Variants in BCAS3 observed in about 807,000 individuals in gnomAD.
BCAS3 encodes BCAS4/BCAS3 fusion.
In BCAS3, 53 loss-of-function variants were observed where a neutral mutation model predicts 116.1. The ratio of observed to expected loss-of-function variants is 0.46; its 90% confidence interval spans 0.37 to 0.57. The LOEUF (loss-of-function observed/expected upper bound fraction) is 0.57. BCAS3 is among the 20% of genes least tolerant of loss of function. The probability of loss-of-function intolerance (pLI) is 0.00; values close to 1 mark genes in which losing one functional copy is unlikely to be tolerated. For missense variants in BCAS3, 917 were observed against 1,165.4 expected, an observed-to-expected ratio of 0.79 and a Z score of 3.10; for synonymous variants, 391 against 408.2, an observed-to-expected ratio of 0.96 and a Z score of 0.51.
intron 19 of BCAS3, among the ~76,000 whole-genome samples, chr17:61,050,430 C>G (rs1340344582): frequency 6.6e-6 from 1 of 151,580 alleles, no homozygotes. Flanking sequence ...TGTGTGTACA[C>G]AGTAGCATAA....
At chr17:61,025,057 C>T (rs771501459) in intron 16 of BCAS3, among the ~76,000 whole-genome samples, 1 of 151,972 alleles carries the variant, frequency 6.6e-6, no homozygotes, top group East Asian at 1.9e-4. Context: ...TATATGACAA[C>T]GAAAACCTCT....
At chr17:60,748,761 A>C (rs1346388614) in intron 6 of BCAS3, among the ~76,000 whole-genome samples, 2 of 152,168 alleles carry the variant, frequency 1.3e-5, no homozygotes, top group Admixed American at 1.3e-4. Flanking sequence ...TTTTATTTAG[A>C]AGTAGATTTA....
rs1392717615 is a variant in BCAS3, at chr17:61,156,955, G to A, written c.2425+72391G>A. Reference sequence around the variant, plus strand: ...ATTCTACAACATTTAAACAGTTGAGGCATCACTCTCCTATAAATTTAGTAT... The same window carrying A: ...ATTCTACAACATTTAAACAGTTGAGACATCACTCTCCTATAAATTTAGTAT... On this transcript the variant is annotated intron_variant, in intron 22 of 23. Coordinates refer to ENST00000407086, the MANE Select transcript of BCAS3 (RefSeq NM_017679.5). The surrounding 1 kb of genome is among the most constrained non-coding windows in gnomAD (Gnocchi z 4.7). 1.3e-5 allele frequency among the ~76,000 whole-genome samples: 2 copies of A among 152,070 alleles called. No homozygotes were observed. Among genetic ancestry groups the A allele is most frequent in the Non-Finnish European group, 2.9e-5 (2 of 68,002 alleles).
rs2144589745 is a variant in BCAS3, at chr17:61,261,923, G to T, written c.2426-106404G>T. On this transcript the variant is annotated intron_variant, in intron 22 of 23. Coordinates refer to ENST00000407086, the MANE Select transcript of BCAS3 (RefSeq NM_017679.5). This position sits in a 1 kb window ranked among gnomAD's most constrained non-coding sequence, Gnocchi z 4.4. ...GGGGCAGAGCTTTAGAATTTAGGAT[G>T]GTTTTCCTAGTGAAGAGAAAGCTAA... Among the ~76,000 whole-genome samples the T allele has an allele frequency of 6.6e-6, 1 of 152,230 alleles. No individual in the cohort carries two copies. The highest frequency in any genetic ancestry group is 2.4e-5 in the African/African-American group (1 of 41,520).
In BCAS3 at chr17:61,178,217, C is replaced by A. The variant is rs1462770667; in HGVS notation, c.2425+93653C>A. The stretch of plus-strand genomic sequence containing the variant: ...TATTTTGAAATCTGTATTACAAAGT[C>A]TTTTATCCTTTTATTAGTTTAGTAC... On this transcript the variant is annotated intron_variant, in intron 22 of 23. Transcript: ENST00000407086. 2.6e-5 allele frequency among the ~76,000 whole-genome samples: 4 copies of A among 152,032 alleles called. No homozygotes were observed. In the South Asian group the frequency reaches 6.2e-4, roughly 24 times the overall value.
rs141381323 is a variant in BCAS3 at position 61,198,232 on chromosome 17, C to T, written c.2425+113668C>T. 1.3e-5 allele frequency among the ~76,000 whole-genome samples: 2 copies of T among 152,016 alleles called. No homozygotes were observed. The highest frequency in any genetic ancestry group is 4.8e-5 in the African/African-American group (2 of 41,450). On this transcript the variant is annotated intron_variant, in intron 22 of 23. Transcript: ENST00000407086. This position sits in a 1 kb window ranked among gnomAD's most constrained non-coding sequence, Gnocchi z 5.0. ...CTCAGCTTACTGCAAGCTCCACCTC[C>T]CAGGTTCATGCCATTCTCCTGCCTC...
intron 10 of BCAS3, among the ~76,000 whole-genome samples, chr17:60,898,106 A>G (rs954263112): frequency 6.6e-6 from 1 of 151,840 alleles, no homozygotes; most frequent in Non-Finnish European, 1.5e-5. Flanking sequence ...TATATTCTGA[A>G]TTGTTTTTCT....
At chr17:61,133,890 CA>C (rs1225961722) in intron 22 of BCAS3, among the ~76,000 whole-genome samples, 2 of 143,262 alleles carry the variant, frequency 1.4e-5, no homozygotes, top group African/African-American at 5.1e-5. Flanking sequence ...AAAGGAAACC[CA>C]AAAAACCATC....
chr17:61,357,277 T>TAAATAAATAAATAAATAAAA (rs1568930807), intron 22 of BCAS3, among the ~76,000 whole-genome samples: 5 of 144,820 alleles, frequency 3.5e-5, no homozygotes, highest in African/African-American at 1.3e-4. Context: ...AATTAATTAA[T>TAAATAAATAAATAAATAAAA]TAAATAAATA....
chr17:61,351,854 C>T (rs539486016), intron 22 of BCAS3, among the ~76,000 whole-genome samples: 73 of 152,298 alleles, frequency 4.8e-4, no homozygotes, highest in African/African-American at 1.8e-3. Context: ...CTGGTTCATC[C>T]TCCACCACTC....
chr17:60,878,358 A>C (rs189235223), intron 9 of BCAS3, among the ~76,000 whole-genome samples: 1 of 152,178 alleles, frequency 6.6e-6, no homozygotes, highest in Admixed American at 6.5e-5. Context: ...TAGTTGTCAG[A>C]AGGTAGGATG....
chr17:61,107,433 T>C (rs550464619), intron 22 of BCAS3, among the ~76,000 whole-genome samples: 2 of 152,246 alleles, frequency 1.3e-5, no homozygotes, highest in South Asian at 4.1e-4. Flanking sequence ...ACCACCACCA[T>C]CATCAAGATA....
Position 61,388,566 on chromosome 17 carries a change from C to T in BCAS3, c.2594-3411C>T, listed in dbSNP as rs1030107524. 1.1e-5 allele frequency: 17 copies of T among 1,496,890 alleles called. No individual in the cohort carries two copies. The Admixed American group carries it at 1.2e-4, about 11-fold the overall frequency. 92.7% of individuals were successfully genotyped at this position (1,496,890 alleles called of 1,614,324 possible). On this transcript the variant is annotated intron_variant, in intron 23 of 23. Coordinates refer to ENST00000407086, the MANE Select transcript of BCAS3 (RefSeq NM_017679.5). This position sits in a 1 kb window ranked among gnomAD's most constrained non-coding sequence, Gnocchi z 6.5. Reference sequence around the variant, plus strand: ...TGCAGAGATCAGTGTACTTCTCAATCGTTGTCCATATCTTTTCCAAAAAGA... The same window carrying T: ...TGCAGAGATCAGTGTACTTCTCAATTGTTGTCCATATCTTTTCCAAAAAGA...
chr17:60,923,143 G>C (rs1406566401), intron 12 of BCAS3, among the ~76,000 whole-genome samples: 1 of 152,150 alleles, frequency 6.6e-6, no homozygotes, highest in Middle Eastern at 3.2e-3. Context: ...TCTAAAATTG[G>C]TTATTTGAAA....
chr17:61,389,575 AGAGGAGG>A (rs1251971970), intron 23 of BCAS3: 1 of 152,410 alleles, frequency 6.6e-6, no homozygotes, highest in African/African-American at 2.4e-5. Context: ...GGGCAGAGGC[AGAGGAGG>A]GAGAAGTTCA....
At chr17:61,076,475 C>T (rs915729085) in intron 20 of BCAS3, among the ~76,000 whole-genome samples, 3 of 152,144 alleles carry the variant, frequency 2.0e-5, no homozygotes, top group Non-Finnish European at 2.9e-5. Context: ...TGGCATGTGG[C>T]GGTCCATCCT....
intron 12 of BCAS3, among the ~76,000 whole-genome samples, chr17:60,915,490 C>G (rs2145121240): frequency 6.6e-6 from 1 of 152,080 alleles, no homozygotes; most frequent in African/African-American, 2.4e-5. Flanking sequence ...ATTTCATGAG[C>G]ATCCCTCATC....
chr17:60,918,769 T>G (rs1406785886), intron 12 of BCAS3, among the ~76,000 whole-genome samples: 1 of 151,142 alleles, frequency 6.6e-6, no homozygotes, highest in Non-Finnish European at 1.5e-5. Context: ...CTTGGCTCAC[T>G]GCAAGCTCCG....
intron 22 of BCAS3, among the ~76,000 whole-genome samples, chr17:61,133,230 T>C (rs1244887953): frequency 2.0e-5 from 3 of 152,174 alleles, no homozygotes; most frequent in African/African-American, 7.2e-5. Context: ...ACGTCTGAGA[T>C]TAAAGATCTG....
Sources: gnomAD v4.1 joint callset for allele counts (sites outside exome capture counted in the v4.1 genomes callset) on GRCh38, gnomAD v4.1.1 for gene constraint, Gnocchi (gnomAD v3.1) non-coding constraint, MANE v1.5 for transcripts, NCBI Gene and HGNC (gene_info 2026-07-23, HGNC 2026-07-21) for gene names.